The following CNTNAP5 variants were observed in gnomAD, a reference collection of about 807,000 sequenced individuals.
The protein encoded by CNTNAP5 is contactin-associated protein-like 5.
In CNTNAP5, 72 loss-of-function variants were observed where a neutral mutation model predicts 150.2. The observed-to-expected ratio is 0.48, with a 90% CI of 0.40 to 0.58. The LOEUF (loss-of-function observed/expected upper bound fraction) is 0.58. CNTNAP5 is among the 20% of genes least tolerant of loss of function. CNTNAP5 has a pLI of 0.00. For missense variants in CNTNAP5, 1,636 were observed against 1,626.2 expected (o/e 1.01, Z -0.10); for synonymous variants, 672 against 619.8 (o/e 1.08, Z -1.25).
At chr2:124,287,824 A>G (rs1688192096) in intron 3 of CNTNAP5, among the ~76,000 whole-genome samples, 1 of 152,236 alleles carries the variant, frequency 6.6e-6, no homozygotes. Context: ...AATTCAAGGA[A>G]AGCTACATCT....
At chr2:124,125,967 A>T (rs1683687772) in intron 1 of CNTNAP5, among the ~76,000 whole-genome samples, 2 of 152,212 alleles carry the variant, frequency 1.3e-5, no homozygotes, top group Non-Finnish European at 2.9e-5. Context: ...AGCAGGAAAG[A>T]TCTAAAATTG....
chr2:124,561,553 T>G (rs1438206953), intron 10 of CNTNAP5, among the ~76,000 whole-genome samples: 1 of 152,210 alleles, frequency 6.6e-6, no homozygotes, highest in Non-Finnish European at 1.5e-5. Flanking sequence ...TTTGTTTGGT[T>G]GTTTTGTGTG....
At chr2:124,670,643 CTTG>C (rs1172807656) in intron 13 of CNTNAP5, among the ~76,000 whole-genome samples, 4 of 114,094 alleles carry the variant, frequency 3.5e-5, no homozygotes, top group Non-Finnish European at 7.2e-5. Flanking sequence ...AGGTGTTGCA[CTTG>C]TTGTTGTTGT....
chr2:124,356,229 A>C (rs1689999872), intron 3 of CNTNAP5, among the ~76,000 whole-genome samples: 1 of 152,118 alleles, frequency 6.6e-6, no homozygotes, highest in African/African-American at 2.4e-5. Context: ...CTACTAAAAT[A>C]TGGACATACT....
intron 7 of CNTNAP5, among the ~76,000 whole-genome samples, chr2:124,484,844 C>T (rs1011561653): frequency 6.6e-6 from 1 of 152,194 alleles, no homozygotes; most frequent in African/African-American, 2.4e-5. Flanking sequence ...GCCTGTGAAG[C>T]TCATCCACAG....
chr2:124,306,949 A>G (rs1377993873), intron 3 of CNTNAP5, among the ~76,000 whole-genome samples: 1 of 151,698 alleles, frequency 6.6e-6, no homozygotes, highest in Non-Finnish European at 1.5e-5. Flanking sequence ...GATGGTCTCA[A>G]ACTCCTGACC....
At chr2:124,581,879 T>C (rs1696422447) in intron 11 of CNTNAP5, among the ~76,000 whole-genome samples, 1 of 152,170 alleles carries the variant, frequency 6.6e-6, no homozygotes, top group Non-Finnish European at 1.5e-5. Context: ...GCGGCCGTCA[T>C]ATTGCAGTGT....
At chr2:124,138,652 C>T (rs573070019) in intron 1 of CNTNAP5, among the ~76,000 whole-genome samples, 1 of 152,234 alleles carries the variant, frequency 6.6e-6, no homozygotes, top group South Asian at 2.1e-4. Flanking sequence ...CTGTATTCTG[C>T]ATGCAAAGCC....
At chr2:124,720,262 T>A (rs1474082357) in intron 13 of CNTNAP5, among the ~76,000 whole-genome samples, 1 of 152,168 alleles carries the variant, frequency 6.6e-6, no homozygotes, top group Non-Finnish European at 1.5e-5. Flanking sequence ...GTTGACTAAT[T>A]TTATTAGTTG....
intron 1 of CNTNAP5, among the ~76,000 whole-genome samples, chr2:124,131,764 TA>T (rs1262817905): frequency 2.0e-5 from 3 of 152,334 alleles, no homozygotes; most frequent in Non-Finnish European, 1.5e-5. Flanking sequence ...AGGCATGTTA[TA>T]AGCATTCTTC....
At chr2:124,904,496 A>T (rs76316590) in intron 22 of CNTNAP5, among the ~76,000 whole-genome samples, 1 of 146,620 alleles carries the variant, frequency 6.8e-6, no homozygotes, top group Non-Finnish European at 1.5e-5. Context: ...CTGTAGTAAT[A>T]AAAAAAAAAG....
intron 3 of CNTNAP5, among the ~76,000 whole-genome samples, chr2:124,382,249 C>A (rs114720262): frequency 6.6e-6 from 1 of 152,160 alleles, no homozygotes; most frequent in East Asian, 1.9e-4. Flanking sequence ...GTAGTCTATG[C>A]GCTCAGATGC....
intron 3 of CNTNAP5, among the ~76,000 whole-genome samples, chr2:124,359,495 G>A (rs1690134616): frequency 6.6e-6 from 1 of 151,290 alleles, no homozygotes; most frequent in Non-Finnish European, 1.5e-5. Context: ...AGAGATTCTG[G>A]TATGTTGTGT....
In CNTNAP5 at chr2:124,181,139, T is replaced by A. The variant is rs1685198941; in HGVS notation, c.83-40566T>A. Among the ~76,000 whole-genome samples the A allele has an allele frequency of 2.0e-5, 3 of 149,792 alleles. No homozygotes were observed. The South Asian group carries it at 6.2e-4, about 31-fold the overall frequency. On this transcript the variant is annotated intron_variant, in intron 1 of 23. Coordinates refer to ENST00000682447, the MANE Select transcript of CNTNAP5 (RefSeq NM_001367498.1). Reference sequence around the variant, plus strand: ...TTCACATTTTCGATGTAATTTTGTATTTAATTCCATCTAAATATTAATTTT... The same window carrying A: ...TTCACATTTTCGATGTAATTTTGTAATTAATTCCATCTAAATATTAATTTT...
At chr2:124,761,843 T>C (rs1680961589) in intron 14 of CNTNAP5, among the ~76,000 whole-genome samples, 1 of 152,164 alleles carries the variant, frequency 6.6e-6, no homozygotes, top group South Asian at 2.1e-4. Flanking sequence ...AATTTTATTC[T>C]TAGAGTGCTA....
In CNTNAP5 at chr2:124,789,480, G is replaced by A. The variant is rs116031572; in HGVS notation, c.2753-422G>A. Among the ~76,000 whole-genome samples, 353 of 152,144 alleles carry A rather than the reference G, an allele frequency of 2.3e-3. 5 individuals carry two copies. Among genetic ancestry groups the A allele is most frequent in the Non-Finnish European group, 1.7e-3 (119 of 68,016 alleles). ...TAAACTTGTATAACATGGATTTGTC[G>A]TATAGATTATTTTGTCACCCAGGTA... On this transcript the variant is annotated intron_variant, in intron 17 of 23. Coordinates refer to ENST00000682447, the MANE Select transcript of CNTNAP5 (RefSeq NM_001367498.1).
rs1285702124 is a variant in CNTNAP5, at chr2:124,597,939, C to T, written c.1757-11862C>T. Among the ~76,000 whole-genome samples the T allele has an allele frequency of 3.1e-5, 4 of 130,310 alleles. 1 individual carries two copies. Among genetic ancestry groups the T allele is most frequent in the Non-Finnish European group, 6.5e-5 (4 of 61,410 alleles). 85.5% of individuals were successfully genotyped at this position (130,310 alleles called of 152,430 possible). A position where few individuals can be genotyped will look rare whatever the true frequency, so the allele number is the denominator to read the frequency against. ...CCTTTCTTCCAGTTGATCGCATCGG[C>T]TCCTGAGGCTTCTGCATTCTTCACT... On this transcript the variant is annotated intron_variant, in intron 11 of 23. Transcript: ENST00000682447.
rs143766308 is a variant in CNTNAP5, at chr2:124,279,733, G to C, written c.381+37340G>C. ...TCTCTTCTCACCCGGCTGTAAATAG[G>C]GTAGAGAGAAAGGATGTGAGAGGAG... is the stretch of plus-strand genomic sequence containing the variant. On this transcript the variant is annotated intron_variant, in intron 3 of 23. Transcript: ENST00000682447. 1.3e-4 allele frequency among the ~76,000 whole-genome samples: 20 copies of C among 152,034 alleles called. No homozygotes were observed. In the East Asian group the frequency reaches 3.9e-3, roughly 30 times the overall value.
chr2:124,863,517 C>T (rs1004172768), intron 19 of CNTNAP5, among the ~76,000 whole-genome samples: 2 of 152,192 alleles, frequency 1.3e-5, no homozygotes, highest in Non-Finnish European at 2.9e-5. Flanking sequence ...AAACCAGGAC[C>T]AGGTATAGAG....
Sources: gnomAD v4.1 joint callset for allele counts (sites outside exome capture counted in the v4.1 genomes callset) on GRCh38, gnomAD v4.1.1 for gene constraint, MANE v1.5 for transcripts, NCBI Gene and HGNC (gene_info 2026-07-23, HGNC 2026-07-21) for gene names.